FAM124A: variants seen among roughly 807,000 people sequenced by gnomAD.
The protein encoded by FAM124A is protein FAM124A.
FAM124A carries 23 observed loss-of-function variants against 24.5 expected under a neutral mutation model. The ratio of observed to expected loss-of-function variants is 0.94; its 90% CI spans 0.68 to 1.33. FAM124A has a LOEUF of 1.33. Among genes scored for constraint, FAM124A ranks in the 40% most tolerant of loss-of-function variants. The pLI is 0.00. For synonymous variants in FAM124A, 287 were observed against 314.7 expected (o/e 0.91, Z 0.93); for missense variants, 623 against 722.8 (o/e 0.86, Z 1.58).
intron 2 of FAM124A, among the ~76,000 whole-genome samples, chr13:51,236,218 A>T (rs1954433925): frequency 1.3e-5 from 2 of 152,174 alleles, no homozygotes; most frequent in African/African-American, 4.8e-5. Context: ...TCAAATAGGG[A>T]AGTCCAGGTG....
intron 3 of FAM124A, among the ~76,000 whole-genome samples, chr13:51,279,393 C>T (rs1031650582): frequency 1.3e-5 from 2 of 152,134 alleles, no homozygotes. Flanking sequence ...TTGTAGTAAA[C>T]CCCAGTCAGA....
At chr13:51,235,864 C>G (rs1954430083) in intron 2 of FAM124A, among the ~76,000 whole-genome samples, 1 of 152,194 alleles carries the variant, frequency 6.6e-6, no homozygotes, top group South Asian at 2.1e-4. Context: ...AAAAGGCCAC[C>G]AACAGTGTGC....
chr13:51,222,640 G>A (rs1213903501), intron 1 of FAM124A, 71 bp downstream of exon 1: 1 of 1,194,132 alleles, frequency 8.4e-7, no homozygotes, highest in Non-Finnish European at 1.0e-6. Context: ...TCCCCGGACG[G>A]GGACCCTCCT....
intron 2 of FAM124A, among the ~76,000 whole-genome samples, chr13:51,241,635 G>C (rs1161338350): frequency 1.3e-5 from 2 of 151,996 alleles, no homozygotes; most frequent in East Asian, 3.8e-4. Context: ...CTCCAAATGG[G>C]CCCAAAGTAC....
chr13:51,246,488 C>T (rs1189236948), intron 2 of FAM124A, among the ~76,000 whole-genome samples: 3 of 150,610 alleles, frequency 2.0e-5, no homozygotes, highest in African/African-American at 2.4e-5. Context: ...TCATGTGCAG[C>T]GGGTACGTGC....
chr13:51,277,376 T>C (rs1235726955), intron 3 of FAM124A, among the ~76,000 whole-genome samples: 1 of 152,106 alleles, frequency 6.6e-6, no homozygotes, highest in East Asian at 1.9e-4. Context: ...AAATTACCTA[T>C]TGGGTGCGCT....
Position 51,251,964 on chromosome 13 carries a change from C to A in FAM124A, c.597C>A (p.Ser199Arg). Residue 199 changes from serine (S) to arginine (R), a missense_variant, in exon 3 of 4, where the codon AGC becomes AGA. By Grantham distance (110) the Ser-to-Arg change is moderately radical (BLOSUM62 -1). Coordinates refer to ENST00000322475, the MANE Select transcript of FAM124A (RefSeq NM_001242312.2). The surrounding 1 kb of genome is among the most constrained non-coding windows in gnomAD (Gnocchi z 5.3). ...FYQLILRRSP[S>R]QKKADFCIFP... is the part of the protein sequence containing the mutation. Reference sequence around the variant, plus strand: ...AGCTGATTCTCCGGAGGAGCCCCAGCCAGAAGAAAGCGGACTTCTGCATCT... The same window carrying A: ...AGCTGATTCTCCGGAGGAGCCCCAGACAGAAGAAAGCGGACTTCTGCATCT... The A allele has an allele frequency of 6.2e-7, 1 of 1,614,248 alleles. No homozygotes were observed. Among genetic ancestry groups the A allele is most frequent in the Non-Finnish European group, 8.5e-7 (1 of 1,180,048 alleles).
chr13:51,238,582 A>C lies in FAM124A; in HGVS notation c.100+7203A>C, dbSNP rs183249265. On this transcript the variant is annotated intron_variant, in intron 2 of 3. Coordinates refer to ENST00000322475, the MANE Select transcript of FAM124A (RefSeq NM_001242312.2). ...TCCATTGAGAGTGGTTTATTCTAAA[A>C]CACGGGATATATCCCTTATGAAGAG... is the stretch of plus-strand genomic sequence containing the variant. 2.0e-3 allele frequency among the ~76,000 whole-genome samples: 312 copies of C among 152,352 alleles called. 2 individuals carry two copies. The highest frequency in any genetic ancestry group is 7.2e-3 in the African/African-American group (300 of 41,574).
chr13:51,281,320 C>T lies in FAM124A; in HGVS notation c.*64C>T. 6.9e-7 allele frequency: 1 copy of T among 1,442,226 alleles called. No individual in the cohort carries two copies. The highest frequency in any genetic ancestry group is 2.3e-5 in the East Asian group (1 of 43,066). The allele number at this position is 1,442,226 out of a possible 1,614,324, so 89.3% of individuals were successfully genotyped here. On this transcript the variant is annotated 3_prime_UTR_variant, in exon 4 of 4. Transcript: ENST00000322475. ...AGACACAGACTCAGGCCCCACTGCCCCTCTGGCCACTGAGCACACCACATT... is the reference window on the plus strand; with the variant it reads ...AGACACAGACTCAGGCCCCACTGCCTCTCTGGCCACTGAGCACACCACATT...
rs1444532755 is a variant in FAM124A, at chr13:51,272,459, G to A, written c.835-7991G>A. Among the ~76,000 whole-genome samples the A allele has an allele frequency of 2.0e-5, 3 of 152,082 alleles. No homozygotes were observed. The highest frequency in any genetic ancestry group is 1.9e-4 in the East Asian group (1 of 5,192). Reference sequence around the variant, plus strand: ...GTGTCTATGCCTAGATGAGAGAGTGGAAAAATTGGTTTAGAAGTTTGTACA... The same window carrying A: ...GTGTCTATGCCTAGATGAGAGAGTGAAAAAATTGGTTTAGAAGTTTGTACA... On this transcript the variant is annotated intron_variant, in intron 3 of 3. Coordinates refer to ENST00000322475, the MANE Select transcript of FAM124A (RefSeq NM_001242312.2). The surrounding 1 kb of genome is among the most constrained non-coding windows in gnomAD (Gnocchi z 4.2).
rs943771281 is a variant in FAM124A at position 51,283,737 on chromosome 13, C to G, written c.*2481C>G. ...ATACCACCTCCAATGAACAGGGAAG[C>G]AAGTTCATCAGTAACAAAAGTCAGT... On this transcript the variant is annotated 3_prime_UTR_variant, in exon 4 of 4. Coordinates refer to ENST00000322475, the MANE Select transcript of FAM124A (RefSeq NM_001242312.2). 3 of 103,118 alleles carry G rather than the reference C, an allele frequency of 2.9e-5. No individual in the cohort carries two copies. The highest frequency in any genetic ancestry group is 5.4e-5 in the Non-Finnish European group (3 of 55,978). The allele number at this position is 103,118 out of a possible 1,614,324, so 6.4% of individuals were successfully genotyped here. A position where few individuals can be genotyped will look rare whatever the true frequency, so the allele number is the denominator to read the frequency against.
intron 3 of FAM124A, among the ~76,000 whole-genome samples, chr13:51,260,552 A>G (rs1954724998): frequency 6.6e-6 from 1 of 152,208 alleles, no homozygotes; most frequent in Admixed American, 6.5e-5. Context: ...GTGATCTAAT[A>G]TCTTACTTAA....
chr13:51,277,478 A>C (rs1954895623), intron 3 of FAM124A, among the ~76,000 whole-genome samples: 1 of 152,218 alleles, frequency 6.6e-6, no homozygotes, highest in Non-Finnish European at 1.5e-5. Context: ...TACTCCCTAA[A>C]TCTATAAAAA....
At position 51,231,332 on chromosome 13, in the gene FAM124A, A is replaced by G. The variant is rs765423812; in HGVS notation, c.69-16A>G. 4 of 1,613,750 alleles carry G rather than the reference A, an allele frequency of 2.5e-6. No individual in the cohort carries two copies. Among genetic ancestry groups the G allele is most frequent in the East Asian group, 4.5e-5 (2 of 44,886 alleles). ...TGGATAAAGAATTCTACTAACGCTGAGGTCTTGTGTTTCAGGTCCGACTAC... is the reference window on the plus strand; with the variant it reads ...TGGATAAAGAATTCTACTAACGCTGGGGTCTTGTGTTTCAGGTCCGACTAC... On this transcript the variant is annotated splice_polypyrimidine_tract_variant and intron_variant, in intron 1 of 3. Transcript: ENST00000322475.
intron 2 of FAM124A, among the ~76,000 whole-genome samples, chr13:51,238,561 T>C (rs1781268923): frequency 6.6e-6 from 1 of 152,236 alleles, no homozygotes; most frequent in Non-Finnish European, 1.5e-5. Context: ...TGTTTATCCA[T>C]TGAGAGTGGT....
At chr13:51,267,193 C>G (rs948910079) in intron 3 of FAM124A, among the ~76,000 whole-genome samples, 1 of 152,206 alleles carries the variant, frequency 6.6e-6, no homozygotes, top group African/African-American at 2.4e-5. Context: ...ATTGTCCTCA[C>G]ACATGCTAAG....
At chr13:51,271,864 C>A (rs961540597) in intron 3 of FAM124A, among the ~76,000 whole-genome samples, 1 of 152,140 alleles carries the variant, frequency 6.6e-6, no homozygotes, top group Non-Finnish European at 1.5e-5. Context: ...AGTAATATAA[C>A]CTCGCCAAGT....
chr13:51,267,849 G>A (rs752422011), intron 3 of FAM124A, among the ~76,000 whole-genome samples: 31 of 152,202 alleles, frequency 2.0e-4, no homozygotes, highest in Admixed American at 4.6e-4. Flanking sequence ...ACACAGAAGT[G>A]CCGTGTTAGA....
chr13:51,268,011 G>C (rs1954805685), intron 3 of FAM124A, among the ~76,000 whole-genome samples: 1 of 152,208 alleles, frequency 6.6e-6, no homozygotes, highest in African/African-American at 2.4e-5. Context: ...TTTTCCACCA[G>C]GGAGAGAAAG....
Sources: allele counts gnomAD v4.1 joint callset (sites outside exome capture counted in the v4.1 genomes callset), GRCh38; gene constraint gnomAD v4.1.1; non-coding constraint Gnocchi (gnomAD v3.1); transcripts MANE v1.5; gene names NCBI Gene and HGNC (gene_info 2026-07-23, HGNC 2026-07-21).